LRRC57: variants seen among roughly 807,000 people sequenced by gnomAD.
LRRC57 encodes the protein leucine rich repeat containing 57.
A neutral mutation model predicts 23.1 loss-of-function variants in LRRC57; 14 were observed. That is an observed-to-expected ratio of 0.61 (90% confidence interval 0.40 to 0.95). LRRC57 has a LOEUF of 0.95. Ranked by LOEUF, LRRC57 falls within the 40% of genes least tolerant of loss-of-function variation. LRRC57 has a pLI of 0.00. For synonymous variants in LRRC57, 106 were observed against 115.2 expected, an observed-to-expected ratio of 0.92 and a Z score of 0.51; for missense variants, 236 against 284.4, an observed-to-expected ratio of 0.83 and a Z score of 1.22.
chr15:42,538,070 GA>G lies in LRRC57; in HGVS notation c.*6012del, dbSNP rs1470329896. 1 of 152,172 alleles carries G rather than the reference GA, an allele frequency of 6.6e-6. No individual in the cohort carries two copies. Among genetic ancestry groups the G allele is most frequent in the Non-Finnish European group, 1.5e-5 (1 of 68,034 alleles). 9.4% of individuals were successfully genotyped at this position (152,172 alleles called of 1,614,324 possible). On this transcript the variant is annotated 3_prime_UTR_variant, in exon 6 of 6. Transcript: ENST00000397130. ...TGAAATGTTCCCAACACAAACAAAT[GA>G]TAAATGTTTGAGATAATGAATAACA... is the stretch of plus-strand genomic sequence containing the variant.
chr15:42,533,812 G>C (rs1207513071), downstream of LRRC57, among the ~76,000 whole-genome samples: 1 of 152,210 alleles, frequency 6.6e-6, no homozygotes, highest in African/African-American at 2.4e-5. Context: ...AATGAAGTGA[G>C]GCACATGAAT....
chr15:42,547,951 T>C, intron 3 of LRRC57, 155 bp downstream of exon 3: 1 of 678,898 alleles, frequency 1.5e-6, no homozygotes, highest in South Asian at 1.9e-5. Context: ...TAGATGTAAT[T>C]ACAAGAAGTA....
chr15:42,544,840 CACTATATA>C (rs1385605712), intron 5 of LRRC57, among the ~76,000 whole-genome samples: 2 of 108,934 alleles, frequency 1.8e-5, no homozygotes, highest in African/African-American at 1.0e-4. Flanking sequence ...CACACACACA[CACTATATA>C]TATATATATA....
intron 5 of LRRC57, 29 bp from the exon 6 acceptor site, chr15:42,544,153 G>C: frequency 1.3e-6 from 2 of 1,579,402 alleles, no homozygotes; most frequent in Non-Finnish European, 1.7e-6. Context: ...TACATAAGGG[G>C]TATTTTGGCA....
downstream of LRRC57, among the ~76,000 whole-genome samples, chr15:42,537,164 G>A (rs80018060): frequency 4.8e-3 from 720 of 151,420 alleles, 9 homozygotes; most frequent in South Asian, 0.03. Flanking sequence ...GGATCACTTG[G>A]GCTCAGGTGT....
chr15:42,530,573 C>T, the LRRC57 span, among the ~76,000 whole-genome samples: 1 of 151,942 alleles, frequency 6.6e-6, no homozygotes, highest in Non-Finnish European at 1.5e-5. Context: ...CAGAGCAAGA[C>T]CTCGACTCTA....
At chr15:42,547,984 G>A (rs1257864524) in intron 3 of LRRC57, 122 bp downstream of exon 3, 1 of 916,146 alleles carries the variant, frequency 1.1e-6, no homozygotes, top group Non-Finnish European at 1.7e-6. Context: ...CAAGGATTCC[G>A]GCATTCGCAA....
At chr15:42,548,271 G>A (rs2057674364) in intron 2 of LRRC57, 27 bp from the exon 3 acceptor site, 3 of 1,614,168 alleles carry the variant, frequency 1.9e-6, no homozygotes, top group Non-Finnish European at 2.5e-6. Flanking sequence ...ACAGCGTGGG[G>A]AATCCCGCAC....
rs574882269 is a variant in LRRC57, at chr15:42,538,877, A to G, written c.*5206T>C. On this transcript the variant is annotated 3_prime_UTR_variant, in exon 6 of 6. Transcript: ENST00000397130. The stretch of plus-strand genomic sequence containing the variant: ...AATATACTACATTGCCTTCCAAACC[A>G]AGCTGTAAAAAATTTGGGTGACTTG... 28 of 152,210 alleles carry G rather than the reference A, an allele frequency of 1.8e-4. No homozygotes were observed. The highest frequency in any genetic ancestry group is 6.5e-4 in the African/African-American group (27 of 41,514). The allele number at this position is 152,210 out of a possible 1,614,324, so 9.4% of individuals were successfully genotyped here.
rs1002033646 is a variant in LRRC57, at chr15:42,547,322, C to T, written c.431G>A (p.Arg144Gln). The change falls in exon 4 of 6, where the codon CGA becomes CAA. Residue 144 changes from arginine (R) to glutamine (Q), a missense_variant. By Grantham distance (43) the Arg-to-Gln change is conservative. Transcript: ENST00000397130. Reference sequence around the variant, plus strand: ...CTCTCCCACTGAGTCAGGTATACTTCGAATCTGGTTCTTAGAGAGATCCAT... The same window carrying T: ...CTCTCCCACTGAGTCAGGTATACTTTGAATCTGGTTCTTAGAGAGATCCAT... ...DVMDLSKNQI[R>Q]SIPDSVGELQ... 2 of 1,614,148 alleles carry T rather than the reference C, an allele frequency of 1.2e-6. No individual in the cohort carries two copies. Among genetic ancestry groups the T allele is most frequent in the Non-Finnish European group, 8.5e-7 (1 of 1,180,026 alleles).
rs767413509 is a variant in LRRC57, at chr15:42,545,043, G to C, written c.678+34C>G. 1.0e-5 allele frequency: 15 copies of C among 1,457,726 alleles called. No homozygotes were observed. The South Asian group carries it at 1.6e-4, about 15-fold the overall frequency. 90.3% of individuals were successfully genotyped at this position (1,457,726 alleles called of 1,614,324 possible). ...CTTCACCATTGTCTTCTCTGGGGTA[G>C]TGACTAGAAATGCAGAAGTACATTA... On this transcript the variant is annotated intron_variant, in intron 5 of 5. Coordinates refer to ENST00000397130, the MANE Select transcript of LRRC57 (RefSeq NM_153260.3).
chr15:42,531,433 T>C, the LRRC57 span: 2 of 1,593,402 alleles, frequency 1.3e-6, no homozygotes, highest in Non-Finnish European at 1.7e-6. Context: ...ACAGAGATCG[T>C]ATTGATATTG....
chr15:42,530,554 G>A, the LRRC57 span, among the ~76,000 whole-genome samples: 1 of 152,150 alleles, frequency 6.6e-6, no homozygotes, highest in Non-Finnish European at 1.5e-5. Flanking sequence ...GAGCTCAGGA[G>A]TTTGAGACCA....
In LRRC57 at chr15:42,545,138, A is replaced by G; in HGVS notation, c.617T>C (p.Leu206Pro). Residue 206 changes from leucine (L) to proline (P), a missense_variant, in exon 5 of 6, where the codon CTT (leucine) becomes CCT (proline). Transcript: ENST00000397130. Reference sequence around the variant, plus strand: ...TTCAAAAAGATTGCCTTCCACAGCAAGCAGACAGATCTGGGAATCACTGAG... The same window carrying G: ...TTCAAAAAGATTGCCTTCCACAGCAGGCAGACAGATCTGGGAATCACTGAG... Reference protein sequence around the residue: ...SILSDSQICLLAVEGNLFEIK... With the variant: ...SILSDSQICLPAVEGNLFEIK... The G allele has an allele frequency of 6.2e-7, 1 of 1,610,016 alleles. No homozygotes were observed.
chr15:42,528,837 C>T, the LRRC57 span, among the ~76,000 whole-genome samples: 3 of 152,108 alleles, frequency 2.0e-5, no homozygotes, highest in Non-Finnish European at 4.4e-5. Flanking sequence ...CCACCTGCCT[C>T]GGCCTCCCAA....
In LRRC57 at chr15:42,548,752, G is replaced by A. The variant is rs995112752; in HGVS notation, c.-82C>T. 6.9e-6 allele frequency: 5 copies of A among 728,580 alleles called. No homozygotes were observed. In the African/African-American group the frequency reaches 7.1e-5, roughly 10 times the overall value. The allele number at this position is 728,580 out of a possible 1,614,324, so 45.1% of individuals were successfully genotyped here. Reference sequence around the variant, plus strand: ...TGAAGACCCAGGACCCGCAGTAGCCGGGATGCGCTCCCCGGCTTAGTCCCG... The same window carrying A: ...TGAAGACCCAGGACCCGCAGTAGCCAGGATGCGCTCCCCGGCTTAGTCCCG... On this transcript the variant is annotated 5_prime_UTR_variant, in exon 1 of 6. Transcript: ENST00000397130.
the LRRC57 span, chr15:42,531,607 G>C: frequency 4.8e-5 from 30 of 628,288 alleles, no homozygotes; most frequent in Middle Eastern, 8.8e-4. Flanking sequence ...AGAAGGGCCA[G>C]AGCAGTTACA....
the LRRC57 span, chr15:42,532,417 T>A: frequency 2.6e-5 from 4 of 152,212 alleles, no homozygotes; most frequent in African/African-American, 4.8e-5. Context: ...ATTTCTGAAC[T>A]CTTAGTGATT....
chr15:42,547,169 G>T, intron 4 of LRRC57, 92 bp downstream of exon 4: 2 of 1,377,100 alleles, frequency 1.5e-6, no homozygotes, highest in Non-Finnish European at 9.9e-7. Context: ...TTAGCTCTAT[G>T]ATGGCAGTTT....
Sources: allele counts gnomAD v4.1 joint callset (sites outside exome capture counted in the v4.1 genomes callset), GRCh38; gene constraint gnomAD v4.1.1; transcripts MANE v1.5; gene names NCBI Gene and HGNC (gene_info 2026-07-23, HGNC 2026-07-21).